The following RGS6 variants were observed in gnomAD, a reference collection of about 807,000 sequenced individuals.
RGS6 encodes regulator of G protein signaling 6.
Under a neutral mutation model 78.5 loss-of-function variants are expected in RGS6, and 30 were observed. That is an observed-to-expected ratio of 0.38 (90% CI 0.29 to 0.52). The LOEUF is 0.52. Among genes scored for constraint, RGS6 ranks in the 20% least tolerant of loss-of-function variants. The pLI is 0.85. For missense variants in RGS6, 495 were observed against 609.7 expected (o/e 0.81, Z 1.98); for synonymous variants, 206 against 206.0 (o/e 1.00, Z 0.00).
intron 1 of RGS6, among the ~76,000 whole-genome samples, chr14:71,933,470 G>T (rs1371210676): frequency 6.6e-6 from 1 of 152,186 alleles, no homozygotes; most frequent in African/African-American, 2.4e-5. Context: ...AGGAAGCGGT[G>T]GCTATTCGCT....
intron 3 of RGS6, among the ~76,000 whole-genome samples, chr14:72,365,968 A>G (rs972051626): frequency 3.9e-5 from 6 of 152,122 alleles, no homozygotes; most frequent in Non-Finnish European, 7.4e-5. Flanking sequence ...TGAGGAGCCA[A>G]AGTCCTGGAG....
At chr14:72,583,000 T>C in the RGS6 span, among the ~76,000 whole-genome samples, 461 of 151,874 alleles carry the variant, frequency 3.0e-3, 4 homozygotes, top group African/African-American at 0.011. Context: ...TCTAATCAGC[T>C]GAAAGCTCAG....
chr14:72,612,429 CCT>C, the RGS6 span: 2 of 516,268 alleles, frequency 3.9e-6, no homozygotes, highest in Admixed American at 3.9e-5. Flanking sequence ...GTGTTTCTGT[CCT>C]TTTTTTTTTT....
intron 3 of RGS6, among the ~76,000 whole-genome samples, chr14:72,389,582 G>A (rs910500478): frequency 6.6e-6 from 1 of 152,248 alleles, no homozygotes; most frequent in Non-Finnish European, 1.5e-5. Flanking sequence ...CCCATGTTCC[G>A]TTACCCGATC....
chr14:72,207,416 C>T (rs184726107), intron 2 of RGS6, among the ~76,000 whole-genome samples: 1 of 152,306 alleles, frequency 6.6e-6, no homozygotes, highest in Non-Finnish European at 1.5e-5. Context: ...ATCCTGTTAC[C>T]TGGCTTCTTG....
chr14:72,428,133 G>A (rs1166899310), intron 3 of RGS6, among the ~76,000 whole-genome samples: 1 of 152,188 alleles, frequency 6.6e-6, no homozygotes, highest in African/African-American at 2.4e-5. Context: ...TTCCAGATGT[G>A]TGTGTGGAAG....
At chr14:72,055,997 C>T (rs960180318) in intron 2 of RGS6, among the ~76,000 whole-genome samples, 1 of 152,120 alleles carries the variant, frequency 6.6e-6, no homozygotes, top group Non-Finnish European at 1.5e-5. Context: ...GTTTAGTGTG[C>T]ATAAGAAACA....
At chr14:72,002,164 C>T (rs979857570) in intron 2 of RGS6, among the ~76,000 whole-genome samples, 2 of 152,050 alleles carry the variant, frequency 1.3e-5, no homozygotes, top group South Asian at 4.1e-4. Context: ...GCTGGGATTA[C>T]AGACGTGAGC....
At chr14:71,993,991 C>T (rs138229149) in intron 2 of RGS6, among the ~76,000 whole-genome samples, 98 of 151,600 alleles carry the variant, frequency 6.5e-4, no homozygotes, top group African/African-American at 2.3e-3. Context: ...ACCAAAGTTA[C>T]ATCTAGTTGC....
At chr14:71,908,735 A>G in the RGS6 span, among the ~76,000 whole-genome samples, 2 of 152,154 alleles carry the variant, frequency 1.3e-5, no homozygotes, top group African/African-American at 2.4e-5. Context: ...AATGGGCAGC[A>G]TAGGAGGGAA....
intron 3 of RGS6, among the ~76,000 whole-genome samples, chr14:72,399,874 A>C (rs2092126749): frequency 6.6e-6 from 1 of 152,236 alleles, no homozygotes; most frequent in African/African-American, 2.4e-5. Context: ...GCCTCCAAGA[A>C]ATATGGGACT....
the RGS6 span, among the ~76,000 whole-genome samples, chr14:72,576,425 G>C: frequency 6.6e-6 from 1 of 152,154 alleles, no homozygotes; most frequent in Non-Finnish European, 1.5e-5. Flanking sequence ...AAGGGATCCA[G>C]GTTTCCAACA....
chr14:72,216,728 C>A (rs1276182717), intron 2 of RGS6, among the ~76,000 whole-genome samples: 1 of 152,112 alleles, frequency 6.6e-6, no homozygotes, highest in Non-Finnish European at 1.5e-5. Flanking sequence ...GCTAATCAGC[C>A]TTGAACGGCG....
At chr14:72,115,108 T>C (rs2153557702) in intron 2 of RGS6, among the ~76,000 whole-genome samples, 1 of 152,294 alleles carries the variant, frequency 6.6e-6, no homozygotes, top group East Asian at 1.9e-4. Flanking sequence ...CTCAGTTATG[T>C]GGCAATCTTG....
chr14:72,364,019 A>AAAC (rs2082008872), intron 3 of RGS6, among the ~76,000 whole-genome samples: 1 of 150,894 alleles, frequency 6.6e-6, no homozygotes, highest in African/African-American at 2.4e-5. Flanking sequence ...AAAAAAAAAA[A>AAAC]AAAAAAACTC....
At chr14:71,872,806 C>T in the RGS6 span, among the ~76,000 whole-genome samples, 7 of 152,236 alleles carry the variant, frequency 4.6e-5, no homozygotes, top group South Asian at 2.1e-4. Context: ...CCCCATCCCA[C>T]GACAGGCCCC....
chr14:72,364,013 A>C (rs1041382844), intron 3 of RGS6, among the ~76,000 whole-genome samples: 3 of 151,016 alleles, frequency 2.0e-5, no homozygotes, highest in East Asian at 3.9e-4. Context: ...AAAAAAAAAA[A>C]AAAAAAAAAA....
chr14:72,256,384 A>G (rs2057086937), intron 2 of RGS6, among the ~76,000 whole-genome samples: 1 of 152,184 alleles, frequency 6.6e-6, no homozygotes, highest in Non-Finnish European at 1.5e-5. Flanking sequence ...CTCAAAGACC[A>G]ATCTTAGGTT....
At chr14:71,926,452 T>G in the RGS6 span, among the ~76,000 whole-genome samples, 1 of 151,958 alleles carries the variant, frequency 6.6e-6, no homozygotes, top group Non-Finnish European at 1.5e-5. Flanking sequence ...GATGTGGTGG[T>G]GCATGCCTGT....
Sources: gnomAD v4.1 joint callset for allele counts (sites outside exome capture counted in the v4.1 genomes callset) on GRCh38, gnomAD v4.1.1 for gene constraint, MANE v1.5 for transcripts, NCBI Gene and HGNC (gene_info 2026-07-23, HGNC 2026-07-21) for gene names.